The following DNAH10 variants were observed in gnomAD, a reference collection of about 807,000 sequenced individuals.
DNAH10 encodes the protein axonemal beta dynein heavy chain 10.
DNAH10 carries 348 observed loss-of-function variants against 506.6 expected under a neutral mutation model. That is an observed-to-expected ratio of 0.69 (90% CI 0.63 to 0.75). DNAH10 has a LOEUF of 0.75. Among genes scored for constraint, DNAH10 ranks in the 30% least tolerant of loss-of-function variants. The pLI is 0.00. For synonymous variants in DNAH10, 2,059 were observed against 2,198.6 expected, an observed-to-expected ratio of 0.94 and a Z score of 1.78; for missense variants, 5,179 against 5,787.1, an observed-to-expected ratio of 0.89 and a Z score of 3.41.
intron 6 of DNAH10, among the ~76,000 whole-genome samples, chr12:123,782,342 T>TCC (rs1565896496): frequency 2.7e-5 from 1 of 36,416 alleles, no homozygotes; most frequent in South Asian, 1.2e-3. Context: ...TCCCCTCCCC[T>TCC]CCCCTCCCCT....
At chr12:123,773,911 G>A (rs1565886644) in intron 4 of DNAH10, among the ~76,000 whole-genome samples, 2 of 152,244 alleles carry the variant, frequency 1.3e-5, no homozygotes, top group Non-Finnish European at 2.9e-5. Flanking sequence ...CAGCAAATGT[G>A]TGCAGCTCTT....
Position 123,870,365 on chromosome 12 carries a change from G to T in DNAH10, c.7520-1G>T. 1 of 1,612,708 alleles carries T rather than the reference G, an allele frequency of 6.2e-7. No homozygotes were observed. The highest frequency in any genetic ancestry group is 1.1e-5 in the South Asian group (1 of 90,716). Reference sequence around the variant, plus strand: ...GTGAAATCAACCATGATTTCCTGCAGGTCAACTTCCAACCTTGTATGACTT... The same window carrying T: ...GTGAAATCAACCATGATTTCCTGCATGTCAACTTCCAACCTTGTATGACTT... On this transcript the variant is annotated splice_acceptor_variant, in intron 43 of 78. Transcript: ENST00000673944. LOFTEE classifies it high-confidence loss of function.
intron 30 of DNAH10, 81 bp from the exon 31 acceptor site, chr12:123,845,519 G>A: frequency 6.5e-7 from 1 of 1,542,822 alleles, no homozygotes; most frequent in Non-Finnish European, 8.7e-7. Flanking sequence ...CCAGATCAAA[G>A]AAATAAATTC....
chr12:123,777,861 G>A (rs1000107061), intron 5 of DNAH10, among the ~76,000 whole-genome samples: 1 of 151,836 alleles, frequency 6.6e-6, no homozygotes, highest in African/African-American at 2.4e-5. Context: ...CGGTGTCTCA[G>A]TATGTTGCCA....
chr12:123,772,972 GTGT>G, intron 4 of DNAH10, 30 bp downstream of exon 4: 1 of 1,492,176 alleles, frequency 6.7e-7, no homozygotes, highest in Non-Finnish European at 9.3e-7. Flanking sequence ...GTGTGTATGT[GTGT>G]TGAGGGGGTG....
intron 34 of DNAH10, among the ~76,000 whole-genome samples, chr12:123,849,098 C>G (rs548173442): frequency 4.6e-5 from 7 of 152,242 alleles, no homozygotes; most frequent in African/African-American, 1.7e-4. Context: ...CACACTGACT[C>G]CAGACACAGA....
At chr12:123,870,858 C>T (rs563254124) in intron 44 of DNAH10, among the ~76,000 whole-genome samples, 3 of 152,272 alleles carry the variant, frequency 2.0e-5, no homozygotes, top group Non-Finnish European at 4.4e-5. Flanking sequence ...TTATAAAGGG[C>T]GCTGGCTTGA....
intron 14 of DNAH10, among the ~76,000 whole-genome samples, chr12:123,799,822 A>T (rs1317638011): frequency 2.0e-5 from 3 of 152,106 alleles, no homozygotes; most frequent in Non-Finnish European, 4.4e-5. Context: ...GGGAGGAAAG[A>T]TGCAGCCTGG....
chr12:123,859,307 G>A, intron 38 of DNAH10, 39 bp downstream of exon 38: 2 of 1,475,998 alleles, frequency 1.4e-6, no homozygotes, highest in Non-Finnish European at 1.8e-6. Context: ...GGCTGCCACA[G>A]GGGCTCACAG....
At chr12:123,803,963 G>A in intron 17 of DNAH10, 138 bp downstream of exon 17, 2 of 781,540 alleles carry the variant, frequency 2.6e-6, no homozygotes, top group Non-Finnish European at 1.9e-6. Context: ...CATTTCTAAT[G>A]CTCTCAGTCA....
intron 26 of DNAH10, among the ~76,000 whole-genome samples, chr12:123,832,597 C>T (rs555730969): frequency 6.6e-6 from 1 of 152,158 alleles, no homozygotes; most frequent in East Asian, 1.9e-4. Flanking sequence ...CTCACCTTGA[C>T]CTCCTAAAGT....
At position 123,846,034 on chromosome 12, in the gene DNAH10, G is replaced by A. The variant is rs376267774; in HGVS notation, c.5694G>A (p.Pro1898=). The change falls in exon 32 of 79, where the codon CCG becomes CCA. Residue 1898 remains proline, a synonymous_variant. Coordinates refer to ENST00000673944, the MANE Select transcript of DNAH10 (RefSeq NM_001372106.1). The surrounding 1 kb of genome is among the most constrained non-coding windows in gnomAD (Gnocchi z 4.5). The part of the protein sequence containing the change: ...SQLRFYWDRE[P]DELNIRQCTG... ...TGCGGTTTTATTGGGACCGGGAGCCGGATGAGCTGAACATCCGCCAGTGCA... is the reference window on the plus strand; with the variant it reads ...TGCGGTTTTATTGGGACCGGGAGCCAGATGAGCTGAACATCCGCCAGTGCA... 30 of 1,613,868 alleles carry A rather than the reference G, an allele frequency of 1.9e-5. No homozygotes were observed. The highest frequency in any genetic ancestry group is 3.3e-4 in the Middle Eastern group (2 of 6,084).
At chr12:123,826,652 CT>C (rs1261069928) in intron 24 of DNAH10, 34 bp from the exon 25 acceptor site, 8 of 1,590,184 alleles carry the variant, frequency 5.0e-6, no homozygotes, top group Non-Finnish European at 6.9e-6. Flanking sequence ...CCAAAGGGGT[CT>C]TTGTTGATGG....
chr12:123,903,422 G>A lies in DNAH10; in HGVS notation c.9815+309G>A, dbSNP rs1372419753. The stretch of plus-strand genomic sequence containing the variant: ...ACAGTGCTCTTCACGGAACATGCGG[G>A]GGCAAGTGTCCGCCCTAAGCAGGGG... On this transcript the variant is annotated intron_variant, in intron 57 of 78. Coordinates refer to ENST00000673944, the MANE Select transcript of DNAH10 (RefSeq NM_001372106.1). The surrounding 1 kb of genome is among the most constrained non-coding windows in gnomAD (Gnocchi z 4.6). Among the ~76,000 whole-genome samples, 1 of 152,210 alleles carries A rather than the reference G, an allele frequency of 6.6e-6. No individual in the cohort carries two copies.
intron 51 of DNAH10, among the ~76,000 whole-genome samples, chr12:123,884,677 A>G (rs1952654046): frequency 6.6e-6 from 1 of 152,196 alleles, no homozygotes; most frequent in African/African-American, 2.4e-5. Context: ...ATTGGGGGTT[A>G]TGATTTCAAC....
chr12:123,926,604 G>C lies in DNAH10; in HGVS notation c.11922-33G>C, dbSNP rs370550691. On this transcript the variant is annotated intron_variant, in intron 68 of 78. Transcript: ENST00000673944. This position sits in a 1 kb window ranked among gnomAD's most constrained non-coding sequence, Gnocchi z 4.1. ...GCCCCTGGTCTGGAGCTGTCCTCGC[G>C]GGAGAGTTTTCTGACTGTGTTTCTT... The C allele has an allele frequency of 3.7e-6, 6 of 1,602,456 alleles. No homozygotes were observed. The highest frequency in any genetic ancestry group is 5.1e-6 in the Non-Finnish European group (6 of 1,173,710).
At chr12:123,835,218 C>T (rs1258868316) in intron 27 of DNAH10, among the ~76,000 whole-genome samples, 188 bp from the exon 28 acceptor site, 1 of 152,196 alleles carries the variant, frequency 6.6e-6, no homozygotes, top group Non-Finnish European at 1.5e-5. Flanking sequence ...GTTATGCTTT[C>T]CCCAGCATTC....
chr12:123,934,614 T>C lies in DNAH10; in HGVS notation c.13478-7T>C, dbSNP rs771402167. On this transcript the variant is annotated splice_region_variant and splice_polypyrimidine_tract_variant and intron_variant, in intron 77 of 78. Coordinates refer to ENST00000673944, the MANE Select transcript of DNAH10 (RefSeq NM_001372106.1). ...AGTTGTATCCAGTCTCTGCCTTGTG[T>C]CCCTAGGATGCTTTGTCTCAGGACT... 1.5e-5 allele frequency: 24 copies of C among 1,613,168 alleles called. No homozygotes were observed. The highest frequency in any genetic ancestry group is 1.6e-4 in the Middle Eastern group (1 of 6,062).
chr12:123,852,515 G>C (rs1951214014), intron 35 of DNAH10, among the ~76,000 whole-genome samples: 1 of 151,792 alleles, frequency 6.6e-6, no homozygotes, highest in South Asian at 2.1e-4. Flanking sequence ...TTAGAGACCT[G>C]TGGGTTTTGA....
Sources: allele counts gnomAD v4.1 joint callset (sites outside exome capture counted in the v4.1 genomes callset), GRCh38; gene constraint gnomAD v4.1.1; non-coding constraint Gnocchi (gnomAD v3.1); transcripts MANE v1.5; gene names NCBI Gene and HGNC (gene_info 2026-07-23, HGNC 2026-07-21).